CIZ1: variants seen among roughly 807,000 people sequenced by gnomAD.
CIZ1 encodes the protein CDKN1A interacting zinc finger protein 1.
In CIZ1, 58 loss-of-function variants were observed where a neutral mutation model predicts 118.6. That is an observed-to-expected ratio of 0.49 (90% CI 0.40 to 0.61). The LOEUF (loss-of-function observed/expected upper bound fraction) is 0.61. Among genes scored for constraint, CIZ1 ranks in the 20% least tolerant of loss-of-function variants. CIZ1 has a pLI of 0.00. For missense variants in CIZ1, 921 were observed against 1,115.9 expected, an observed-to-expected ratio of 0.83 and a Z score of 2.49; for synonymous variants, 448 against 443.4, an observed-to-expected ratio of 1.01 and a Z score of -0.13.
chr9:128,191,762 G>T, upstream of CIZ1: 1 of 1,407,364 alleles, frequency 7.1e-7, no homozygotes, highest in Non-Finnish European at 9.3e-7. This position sits in a 1 kb window ranked among gnomAD's most constrained non-coding sequence, Gnocchi z 5.5. Flanking sequence ...CATCGCGAAG[G>T]GGAGGCTCGG....
chr9:128,173,075 C>CCT (rs1177755729), intron 11 of CIZ1, among the ~76,000 whole-genome samples: 1 of 151,992 alleles, frequency 6.6e-6, no homozygotes, highest in Non-Finnish European at 1.5e-5. Context: ...AGCAATCCTC[C>CCT]CACCTCAGCC....
chr9:128,180,733 C>T lies in CIZ1; in HGVS notation c.670G>A (p.Asp224Asn). The stretch of plus-strand genomic sequence containing the variant: ...CTCCCTCCCTCACCTTCTGGTGTGT[C>T]CATCCGGGGCTCTGCGGCTTCCTCA... ...GSEEAAEPRM[D>N]TPEDQDLPPC... Residue 224 changes from aspartate to asparagine, a missense_variant, in exon 6 of 17, where the codon GAC becomes AAC. Coordinates refer to ENST00000372938, the MANE Select transcript of CIZ1 (RefSeq NM_001131016.2). The T allele has an allele frequency of 6.2e-7, 1 of 1,607,380 alleles. No homozygotes were observed. The highest frequency in any genetic ancestry group is 1.1e-5 in the South Asian group (1 of 90,792).
At chr9:128,190,529 C>A (rs1404913979) in intron 2 of CIZ1, 85 bp from the exon 3 acceptor site, 22 of 1,360,414 alleles carry the variant, frequency 1.6e-5, no homozygotes, top group African/African-American at 4.3e-5. Flanking sequence ...CCATTCTCTG[C>A]CCCACTCTGT....
At chr9:128,170,606 G>C (rs1830010360) in intron 11 of CIZ1, among the ~76,000 whole-genome samples, 1 of 152,166 alleles carries the variant, frequency 6.6e-6, no homozygotes, top group Non-Finnish European at 1.5e-5. Context: ...AGTGAACCAA[G>C]ATAGCGCCAC....
Position 128,180,417 on chromosome 9 carries a change from C to T in CIZ1, c.789G>A (p.Arg263=). 6.2e-7 allele frequency: 1 copy of T among 1,613,386 alleles called. No homozygotes were observed. Among genetic ancestry groups the T allele is most frequent in the Non-Finnish European group, 8.5e-7 (1 of 1,179,302 alleles). The part of the protein sequence containing the change: ...EASELPAKRL[R]SSEEPTEKEP... ...GTCAGGTTTTCAGCATCAGTTACCT[C>T]CTCAATCTCTTTGCTGGCAGCTCGG... is the stretch of plus-strand genomic sequence containing the variant. The change falls in exon 7 of 17, where the codon AGG becomes AGA. Residue 263 remains arginine (R), a splice_region_variant and synonymous_variant. Coordinates refer to ENST00000372938, the MANE Select transcript of CIZ1 (RefSeq NM_001131016.2).
In CIZ1 at chr9:128,166,994, C is replaced by T; in HGVS notation, c.2365+101G>A. ...CTCTAGGCAGGGGCAGAAGAGAAGGCTTCCCAGCCAGAATGCCATGGCTGG... is the reference window on the plus strand; with the variant it reads ...CTCTAGGCAGGGGCAGAAGAGAAGGTTTCCCAGCCAGAATGCCATGGCTGG... On this transcript the variant is annotated intron_variant, in intron 15 of 16. Transcript: ENST00000372938. The surrounding 1 kb of genome is among the most constrained non-coding windows in gnomAD (Gnocchi z 4.4). 1 of 1,596,586 alleles carries T rather than the reference C, an allele frequency of 6.3e-7. No homozygotes were observed. The highest frequency in any genetic ancestry group is 8.6e-7 in the Non-Finnish European group (1 of 1,169,548).
chr9:128,202,866 G>T (rs1833574492), intron 1 of CIZ1: 1 of 152,210 alleles, frequency 6.6e-6, no homozygotes, highest in African/African-American at 2.4e-5. Flanking sequence ...ACAGGGCCTG[G>T]CTTCTAGCAG....
chr9:128,177,312 C>T (rs1436581135), intron 10 of CIZ1, among the ~76,000 whole-genome samples: 3 of 152,140 alleles, frequency 2.0e-5, no homozygotes, highest in Non-Finnish European at 2.9e-5. Flanking sequence ...CTGCTTGAGC[C>T]CAAGAGGTAG....
chr9:128,186,820 C>T (rs983934379), intron 4 of CIZ1, among the ~76,000 whole-genome samples: 1 of 152,156 alleles, frequency 6.6e-6, no homozygotes, highest in African/African-American at 2.4e-5. Context: ...CCCACTGACA[C>T]CCTTCAGACC....
chr9:128,168,538 A>G lies in CIZ1; in HGVS notation c.2295+514T>C, dbSNP rs569488807. Among the ~76,000 whole-genome samples, 7 of 151,976 alleles carry G rather than the reference A, an allele frequency of 4.6e-5. No individual in the cohort carries two copies. The East Asian group carries it at 1.4e-3, about 29-fold the overall frequency. On this transcript the variant is annotated intron_variant, in intron 14 of 16. Coordinates refer to ENST00000372938, the MANE Select transcript of CIZ1 (RefSeq NM_001131016.2). ...CTTGAAAAAAAAAAAGAAAAAAAAA[A>G]AAAAACTGCAACGAATCCAAGCTCC...
intron 14 of CIZ1, chr9:128,168,759 T>C (rs1829761252): frequency 2.6e-6 from 1 of 387,068 alleles, no homozygotes; most frequent in Admixed American, 4.0e-5. Flanking sequence ...ATCTGACTTT[T>C]CCTTTGCACA....
At chr9:128,176,301 G>C in intron 11 of CIZ1, 50 bp downstream of exon 11, 1 of 1,599,126 alleles carries the variant, frequency 6.3e-7, no homozygotes, top group Non-Finnish European at 8.5e-7. Context: ...GGCCCTGGCC[G>C]ATGAGACTGC....
chr9:128,186,679 T>C lies in CIZ1; in HGVS notation c.359-903A>G, dbSNP rs142510096. Among the ~76,000 whole-genome samples the C allele has an allele frequency of 1.5e-4, 23 of 152,296 alleles. 1 individual carries two copies. In the East Asian group the frequency reaches 4.4e-3, roughly 29 times the overall value. ...CTGCATGGTCTGGCCCTTCCCACCT[T>C]TCCAGCCTCCTTTCTTGCCATTCTC... On this transcript the variant is annotated intron_variant, in intron 4 of 16. Transcript: ENST00000372938.
At chr9:128,188,302 A>C (rs888177884) in intron 3 of CIZ1, among the ~76,000 whole-genome samples, 2 of 152,182 alleles carry the variant, frequency 1.3e-5, no homozygotes, top group Admixed American at 6.5e-5. Context: ...GACTTATATC[A>C]ATCACAATCA....
chr9:128,185,004 C>T (rs532136300), intron 5 of CIZ1, among the ~76,000 whole-genome samples: 9 of 152,242 alleles, frequency 5.9e-5, no homozygotes, highest in South Asian at 4.1e-4. Flanking sequence ...TTAAGCTGGG[C>T]GCAGTGGCTC....
intron 7 of CIZ1, among the ~76,000 whole-genome samples, chr9:128,179,675 T>C (rs1831324553): frequency 6.6e-6 from 1 of 151,198 alleles, no homozygotes; most frequent in Admixed American, 6.6e-5. Flanking sequence ...TTTGTTGTTG[T>C]TTGTTTGTTT....
At chr9:128,169,323 G>T in intron 13 of CIZ1, 83 bp downstream of exon 13, 1 of 1,454,296 alleles carries the variant, frequency 6.9e-7, no homozygotes, top group African/African-American at 1.4e-5. Flanking sequence ...GTTTGGGCTG[G>T]GATAAACCTC....
At chr9:128,201,570 C>A (rs1046268283) in intron 1 of CIZ1, among the ~76,000 whole-genome samples, 8 of 152,248 alleles carry the variant, frequency 5.3e-5, no homozygotes, top group African/African-American at 1.9e-4. Flanking sequence ...TCCATCTCTG[C>A]CTTCTCTTGT....
At position 128,179,019 on chromosome 9, in the gene CIZ1, C is replaced by T. The variant is rs765492978; in HGVS notation, c.1188G>A (p.Glu396=). 6.2e-7 allele frequency: 1 copy of T among 1,612,784 alleles called. No homozygotes were observed. Among genetic ancestry groups the T allele is most frequent in the Non-Finnish European group, 8.5e-7 (1 of 1,178,836 alleles). The change falls in exon 8 of 17, where the codon GAG becomes GAA. Residue 396 remains glutamate (E), a synonymous_variant. Transcript: ENST00000372938. The part of the protein sequence containing the change: ...QGPRQVQLQQ[E]AEPLKQVQPQ... ...GCTGCACCTGCTTCAGCGGCTCTGC[C>T]TCCTGCTGCAGCTGCACCTGCCTTG...
Sources: allele counts gnomAD v4.1 joint callset (sites outside exome capture counted in the v4.1 genomes callset), GRCh38; gene constraint gnomAD v4.1.1; non-coding constraint Gnocchi (gnomAD v3.1); transcripts MANE v1.5; gene names NCBI Gene and HGNC (gene_info 2026-07-23, HGNC 2026-07-21).